The following MAPRE2 variants were observed in gnomAD, a reference collection of about 807,000 sequenced individuals.
MAPRE2 encodes the protein microtubule-associated protein RP/EB family member 2.
In MAPRE2, 13 loss-of-function variants were observed where a neutral mutation model predicts 43.2. The ratio of observed to expected loss-of-function variants is 0.30; its 90% confidence interval spans 0.20 to 0.48. The LOEUF (loss-of-function observed/expected upper bound fraction) is 0.48. Among genes scored for constraint, MAPRE2 ranks in the 20% least tolerant of loss-of-function variants. The probability of loss-of-function intolerance (pLI) is 0.99; values close to 1 mark genes in which losing one functional copy is unlikely to be tolerated. For synonymous variants in MAPRE2, 135 were observed against 148.8 expected, an observed-to-expected ratio of 0.91 and a Z score of 0.68; for missense variants, 161 against 400.2, an observed-to-expected ratio of 0.40 and a Z score of 5.10.
chr18:35,009,980 G>A (rs150909926), intron 2 of MAPRE2, among the ~76,000 whole-genome samples: 2,304 of 152,254 alleles, frequency 0.015, 20 homozygotes, highest in Middle Eastern at 0.034. Flanking sequence ...AACCATAGAG[G>A]TAGTAAGAAT....
At chr18:35,114,598 C>T (rs1347963715) in intron 4 of MAPRE2, among the ~76,000 whole-genome samples, 3 of 152,140 alleles carry the variant, frequency 2.0e-5, no homozygotes, top group Admixed American at 6.6e-5. Flanking sequence ...AGTCAATTAG[C>T]TCTCCGTGTG....
At chr18:35,084,649 G>T (rs1907787858) in intron 2 of MAPRE2, among the ~76,000 whole-genome samples, 1 of 152,226 alleles carries the variant, frequency 6.6e-6, no homozygotes, top group Non-Finnish European at 1.5e-5. Context: ...ACTCTCTTCA[G>T]TTCACATAAG....
intron 2 of MAPRE2, 81 bp downstream of exon 2, chr18:35,070,403 A>G: frequency 2.3e-6 from 3 of 1,292,194 alleles, no homozygotes; most frequent in Non-Finnish European, 3.1e-6. Context: ...CACAGCTGCT[A>G]TATTTTGGGT....
Position 34,989,379 on chromosome 18 carries a change from C to T in MAPRE2, c.-70+12300C>T, listed in dbSNP as rs552552921. On this transcript the variant is annotated intron_variant, in intron 1 of 7. Coordinates refer to the MAPRE2 transcript ENST00000413393. ...TCCTGGATGTCCTAGTTGATTCAAG[C>T]TTGGACTTTGTCTTGTCTCAGGTTC... Among the ~76,000 whole-genome samples the T allele has an allele frequency of 1.0e-3, 159 of 152,164 alleles. No homozygotes were observed. In the South Asian group the frequency reaches 0.013, roughly 12 times the overall value.
intron 2 of MAPRE2, among the ~76,000 whole-genome samples, chr18:35,076,350 A>G (rs1198596880): frequency 1.3e-5 from 2 of 152,230 alleles, no homozygotes; most frequent in Non-Finnish European, 2.9e-5. Context: ...TGCTTTGAGC[A>G]TACAAAGAAG....
chr18:35,032,483 A>G (rs2097048280), intron 2 of MAPRE2, among the ~76,000 whole-genome samples: 1 of 152,206 alleles, frequency 6.6e-6, no homozygotes, highest in African/African-American at 2.4e-5. Flanking sequence ...TCCCTGTTCT[A>G]GATGAACCAT....
intron 1 of MAPRE2, among the ~76,000 whole-genome samples, chr18:35,061,826 C>G (rs1471202964): frequency 6.6e-6 from 1 of 152,196 alleles, no homozygotes; most frequent in Admixed American, 6.5e-5. Flanking sequence ...TCTCCCTCCT[C>G]AAACAAATAC....
At chr18:35,135,612 A>G (rs1326437841) in intron 6 of MAPRE2, among the ~76,000 whole-genome samples, 4 of 152,244 alleles carry the variant, frequency 2.6e-5, no homozygotes, top group African/African-American at 7.2e-5. Context: ...TTGAAAAACA[A>G]TGTGCTTAGT....
chr18:35,127,224 A>G, intron 5 of MAPRE2, 137 bp downstream of exon 5: 1 of 850,282 alleles, frequency 1.2e-6, no homozygotes, highest in Non-Finnish European at 1.8e-6. Flanking sequence ...GAGAATAAAA[A>G]GAATTGTTCG....
At chr18:35,062,614 G>GTGAC (rs1315573238) in intron 1 of MAPRE2, among the ~76,000 whole-genome samples, 2 of 152,320 alleles carry the variant, frequency 1.3e-5, no homozygotes, top group African/African-American at 4.8e-5. Flanking sequence ...CGAAAGTCCA[G>GTGAC]TGACTGGCAA....
At chr18:34,981,876 TA>T (rs367753722) in intron 1 of MAPRE2, among the ~76,000 whole-genome samples, 280 of 34,706 alleles carry the variant, frequency 8.1e-3, no homozygotes, top group African/African-American at 0.014. Flanking sequence ...TTTTTTTTTT[TA>T]TTTTTATTTA....
chr18:35,137,570 C>T (rs1910443605), intron 6 of MAPRE2, among the ~76,000 whole-genome samples: 1 of 152,184 alleles, frequency 6.6e-6, no homozygotes, highest in Non-Finnish European at 1.5e-5. Context: ...GTCTAACATG[C>T]ACAGAAACAA....
chr18:34,986,329 T>C (rs2097020986), intron 1 of MAPRE2, among the ~76,000 whole-genome samples: 1 of 152,072 alleles, frequency 6.6e-6, no homozygotes, highest in Non-Finnish European at 1.5e-5. Flanking sequence ...TTTAACAACA[T>C]TTGATATGAA....
chr18:35,092,698 T>C (rs1156370224), intron 2 of MAPRE2, among the ~76,000 whole-genome samples: 2 of 152,108 alleles, frequency 1.3e-5, no homozygotes, highest in Non-Finnish European at 2.9e-5. Context: ...GAAGAAAATA[T>C]GTGCAAACTA....
intron 1 of MAPRE2, among the ~76,000 whole-genome samples, chr18:34,998,485 C>T (rs1333920870): frequency 6.6e-6 from 1 of 152,004 alleles, no homozygotes; most frequent in Non-Finnish European, 1.5e-5. Flanking sequence ...CGCCACCACA[C>T]CCCGCTAATT....
At chr18:35,093,588 T>TA (rs1226303840) in intron 2 of MAPRE2, among the ~76,000 whole-genome samples, 5 of 152,098 alleles carry the variant, frequency 3.3e-5, no homozygotes, top group African/African-American at 9.7e-5. Flanking sequence ...TTTAGTCATA[T>TA]AAAAAAATGA....
chr18:35,006,696 T>A (rs2097032033), intron 2 of MAPRE2, among the ~76,000 whole-genome samples: 2 of 152,228 alleles, frequency 1.3e-5, no homozygotes, highest in Non-Finnish European at 2.9e-5. Flanking sequence ...GTTGCTCTAG[T>A]GAAAGTGGAA....
At chr18:34,979,205 A>C (rs1405788587) in intron 1 of MAPRE2, among the ~76,000 whole-genome samples, 1 of 152,150 alleles carries the variant, frequency 6.6e-6, no homozygotes, top group Admixed American at 6.5e-5. Context: ...GATTGGAAAA[A>C]TCGAAGCTTA....
chr18:35,137,415 A>G (rs1349180526), intron 6 of MAPRE2, among the ~76,000 whole-genome samples: 4 of 152,234 alleles, frequency 2.6e-5, no homozygotes, highest in African/African-American at 7.2e-5. Flanking sequence ...CCTCTAGTTT[A>G]TTACAGGCTC....
Sources: allele counts gnomAD v4.1 joint callset (sites outside exome capture counted in the v4.1 genomes callset), GRCh38; gene constraint gnomAD v4.1.1; transcripts MANE v1.5; gene names NCBI Gene and HGNC (gene_info 2026-07-23, HGNC 2026-07-21).